RBFOX3: variants seen among roughly 807,000 people sequenced by gnomAD.
RBFOX3 encodes the protein RNA binding fox-1 homolog 3, also known as RNA binding protein fox-1 homolog 3.
RBFOX3 carries 17 observed loss-of-function variants against 48.7 expected under a neutral mutation model. That is an observed-to-expected ratio of 0.35 (90% CI 0.24 to 0.52). The LOEUF (loss-of-function observed/expected upper bound fraction) is 0.52. Among genes scored for constraint, RBFOX3 ranks in the 20% least tolerant of loss-of-function variants. The probability of loss-of-function intolerance (pLI) is 0.94; values close to 1 mark genes in which losing one functional copy is unlikely to be tolerated. For missense variants in RBFOX3, 382 were observed against 497.5 expected (o/e 0.77, Z 2.21); for synonymous variants, 212 against 209.5 (o/e 1.01, Z -0.10).
intron 2 of RBFOX3, among the ~76,000 whole-genome samples, chr17:79,470,721 T>C (rs2137775): frequency 0.16 from 24,388 of 152,210 alleles, 4,263 homozygotes; most frequent in African/African-American, 0.44. Flanking sequence ...TGTCAGGTTA[T>C]AGCCAGCACA....
At chr17:79,337,828 T>TAC (rs947471028) in intron 2 of RBFOX3, among the ~76,000 whole-genome samples, 4 of 152,100 alleles carry the variant, frequency 2.6e-5, no homozygotes, top group African/African-American at 4.8e-5. Flanking sequence ...ATATGTCACA[T>TAC]ACACACACAC....
chr17:79,240,430 G>T (rs2062189341), intron 3 of RBFOX3, among the ~76,000 whole-genome samples: 1 of 152,236 alleles, frequency 6.6e-6, no homozygotes, highest in Non-Finnish European at 1.5e-5. Flanking sequence ...AAGGCACAGA[G>T]CAAGCGGAAC....
intron 2 of RBFOX3, among the ~76,000 whole-genome samples, chr17:79,472,657 T>C (rs1187664757): frequency 6.6e-6 from 1 of 152,210 alleles, no homozygotes; most frequent in African/African-American, 2.4e-5. Context: ...ACCTCTGTTG[T>C]GTGAGCCCCC....
chr17:79,308,670 G>T (rs1251204635), intron 2 of RBFOX3, among the ~76,000 whole-genome samples: 3 of 152,136 alleles, frequency 2.0e-5, no homozygotes, highest in Non-Finnish European at 4.4e-5. Context: ...TCATGAGGGT[G>T]GGGCTGTCTG....
the RBFOX3 span, among the ~76,000 whole-genome samples, chr17:79,619,995 GCACACACATGCACATGCACA>G: frequency 6.6e-6 from 1 of 151,328 alleles, no homozygotes; most frequent in Non-Finnish European, 1.5e-5. Context: ...ACACGCACAT[GCACACACATGCACATGCACA>G]CACACACGTG....
chr17:79,311,776 G>A lies in RBFOX3; in HGVS notation c.-174-3952C>T, dbSNP rs2076890806. 6.6e-6 allele frequency among the ~76,000 whole-genome samples: 1 copy of A among 152,166 alleles called. No individual in the cohort carries two copies. The highest frequency in any genetic ancestry group is 1.5e-5 in the Non-Finnish European group (1 of 68,028). ...CATGCAGTTCTGGCTGGTGGAGTGG[G>A]AAGCAGTGCCCCCATGATGGCAGAA... On this transcript the variant is annotated intron_variant, in intron 2 of 14. Coordinates refer to ENST00000693108, the MANE Select transcript of RBFOX3 (RefSeq NM_001350451.2). This position sits in a 1 kb window ranked among gnomAD's most constrained non-coding sequence, Gnocchi z 4.2.
the RBFOX3 span, among the ~76,000 whole-genome samples, chr17:79,624,205 C>T: frequency 6.6e-6 from 1 of 152,170 alleles, no homozygotes; most frequent in African/African-American, 2.4e-5. Context: ...AGAAGGGTGA[C>T]GCTTCAACCA....
At chr17:79,201,844 G>C (rs1172086282) in intron 4 of RBFOX3, among the ~76,000 whole-genome samples, 4 of 152,182 alleles carry the variant, frequency 2.6e-5, no homozygotes, top group Non-Finnish European at 5.9e-5. Context: ...GATTGACGAA[G>C]AGCCTGGGGC....
At chr17:79,248,896 G>A (rs976486924) in intron 3 of RBFOX3, among the ~76,000 whole-genome samples, 1 of 152,248 alleles carries the variant, frequency 6.6e-6, no homozygotes, top group Non-Finnish European at 1.5e-5. Flanking sequence ...GGAGGCCTCA[G>A]AGCTCTGCAG....
Position 79,277,558 on chromosome 17 carries a change from G to A in RBFOX3, c.-74+30166C>T, listed in dbSNP as rs147059893. Among the ~76,000 whole-genome samples, 1,015 of 152,316 alleles carry A rather than the reference G, an allele frequency of 6.7e-3. 6 individuals carry two copies. Among genetic ancestry groups the A allele is most frequent in the African/African-American group, 0.023 (968 of 41,576 alleles). ...CCCAATCTCTGCTGTTACAGCCGAC[G>A]CGGTATGTTTGCCAAGGATGGCCTG... On this transcript the variant is annotated intron_variant, in intron 3 of 14. Transcript: ENST00000693108.
At chr17:79,160,778 G>A (rs2046811693) in intron 4 of RBFOX3, among the ~76,000 whole-genome samples, 2 of 152,042 alleles carry the variant, frequency 1.3e-5, no homozygotes, top group African/African-American at 4.8e-5. Flanking sequence ...TCAGGAGTTC[G>A]AGACCAGCCT....
At chr17:79,280,150 T>G (rs1038187408) in intron 3 of RBFOX3, among the ~76,000 whole-genome samples, 1 of 107,516 alleles carries the variant, frequency 9.3e-6, no homozygotes, top group Non-Finnish European at 1.9e-5. Flanking sequence ...CACATGTGCG[T>G]GCACACACAC....
At chr17:79,357,934 A>C (rs2085522128) in intron 2 of RBFOX3, among the ~76,000 whole-genome samples, 1 of 105,652 alleles carries the variant, frequency 9.5e-6, no homozygotes, top group Non-Finnish European at 2.1e-5. Context: ...CCAGATCCCA[A>C]ACAAGCTATT....
At chr17:79,637,602 G>T in the RBFOX3 span, among the ~76,000 whole-genome samples, 2 of 151,712 alleles carry the variant, frequency 1.3e-5, no homozygotes, top group African/African-American at 4.8e-5. Context: ...GGATGAGGCA[G>T]GAGAATCACT....
At chr17:79,409,790 T>G (rs1174563712) in intron 2 of RBFOX3, among the ~76,000 whole-genome samples, 1 of 152,156 alleles carries the variant, frequency 6.6e-6, no homozygotes, top group Non-Finnish European at 1.5e-5. Flanking sequence ...GGCTGGGGGA[T>G]GGGCACTGGT....
the RBFOX3 span, among the ~76,000 whole-genome samples, chr17:79,641,328 GGGAAACCTT>G: frequency 1.3e-5 from 2 of 152,138 alleles, no homozygotes; most frequent in African/African-American, 2.4e-5. Context: ...GCGAAGAAAA[GGGAAACCTT>G]GTACATTGTT....
chr17:79,571,999 G>A (rs2092695602), intron 1 of RBFOX3, among the ~76,000 whole-genome samples: 1 of 152,220 alleles, frequency 6.6e-6, no homozygotes, highest in African/African-American at 2.4e-5. Context: ...GCCATCGGGT[G>A]CAGACACTAC....
At chr17:79,431,781 G>C (rs1019963387) in intron 2 of RBFOX3, among the ~76,000 whole-genome samples, 1 of 152,162 alleles carries the variant, frequency 6.6e-6, no homozygotes, top group Non-Finnish European at 1.5e-5. Context: ...CACAGCGCCC[G>C]GCCCACATTT....
chr17:79,524,830 C>T (rs1389770779), intron 1 of RBFOX3, among the ~76,000 whole-genome samples: 5 of 152,268 alleles, frequency 3.3e-5, no homozygotes, highest in East Asian at 1.9e-4. Context: ...AATATGCCTC[C>T]GCCCCACAGC....
Sources: gnomAD v4.1 joint callset for allele counts (sites outside exome capture counted in the v4.1 genomes callset) on GRCh38, gnomAD v4.1.1 for gene constraint, Gnocchi (gnomAD v3.1) non-coding constraint, MANE v1.5 for transcripts, NCBI Gene and HGNC (gene_info 2026-07-23, HGNC 2026-07-21) for gene names.